ME1: variants seen among roughly 807,000 people sequenced by gnomAD.
ME1 encodes NADP-dependent malic enzyme.
A neutral mutation model predicts 66.4 loss-of-function variants in ME1; 74 were observed. The ratio of observed to expected loss-of-function variants is 1.11; its 90% CI spans 0.92 to 1.35. The LOEUF (loss-of-function observed/expected upper bound fraction) is 1.35. ME1 is among the 40% of genes most tolerant of loss of function. The probability of loss-of-function intolerance (pLI) is 0.00; values close to 1 mark genes in which losing one functional copy is unlikely to be tolerated. For missense variants in ME1, 750 were observed against 694.1 expected (o/e 1.08, Z -0.90); for synonymous variants, 251 against 235.6 (o/e 1.07, Z -0.60).
chr6:83,311,792 A>G (rs1767935598), intron 6 of ME1, among the ~76,000 whole-genome samples: 3 of 152,166 alleles, frequency 2.0e-5, no homozygotes, highest in African/African-American at 7.2e-5. Context: ...CAGAAGCCAG[A>G]TGGACACAAT....
At chr6:83,355,212 G>T (rs981824238) in intron 3 of ME1, among the ~76,000 whole-genome samples, 1 of 151,938 alleles carries the variant, frequency 6.6e-6, no homozygotes, top group Admixed American at 6.6e-5. Flanking sequence ...TTTAAAGAAG[G>T]CACTTTTGTT....
intron 1 of ME1, among the ~76,000 whole-genome samples, chr6:83,416,250 C>A (rs896034487): frequency 6.6e-6 from 1 of 152,078 alleles, no homozygotes; most frequent in Non-Finnish European, 1.5e-5. Context: ...TTGCATCCTA[C>A]GTAAATTATA....
intron 6 of ME1, among the ~76,000 whole-genome samples, chr6:83,314,117 G>A (rs1214299367): frequency 5.9e-5 from 9 of 152,104 alleles, no homozygotes; most frequent in Admixed American, 5.9e-4. Context: ...CAGTAACCAA[G>A]GGATGACTGT....
intron 3 of ME1, among the ~76,000 whole-genome samples, chr6:83,375,435 A>G (rs1490917866): frequency 6.6e-6 from 1 of 152,096 alleles, no homozygotes; most frequent in Admixed American, 6.5e-5. Context: ...ATTTTTGCAC[A>G]TTGATTTGGT....
intron 3 of ME1, among the ~76,000 whole-genome samples, chr6:83,370,733 A>G (rs563778954): frequency 2.0e-5 from 3 of 152,252 alleles, no homozygotes; most frequent in Admixed American, 1.3e-4. Context: ...TATACATCCT[A>G]TCCAGCATTT....
At chr6:83,345,443 C>T (rs139701803) in intron 5 of ME1, among the ~76,000 whole-genome samples, 1 of 152,250 alleles carries the variant, frequency 6.6e-6, no homozygotes, top group African/African-American at 2.4e-5. Flanking sequence ...ACATTACTTA[C>T]AGATCAAAAG....
chr6:83,358,413 A>G (rs1768942822), intron 3 of ME1, among the ~76,000 whole-genome samples: 2 of 152,286 alleles, frequency 1.3e-5, no homozygotes, highest in East Asian at 3.9e-4. Flanking sequence ...CAGAGATTGT[A>G]TCTCCTGGCT....
intron 13 of ME1, among the ~76,000 whole-genome samples, chr6:83,216,283 AAATT>A (rs1164546924): frequency 1.3e-5 from 2 of 152,200 alleles, no homozygotes; most frequent in Non-Finnish European, 2.9e-5. Context: ...ATAGAGAGGG[AAATT>A]AATTATTCGG....
At chr6:83,389,121 A>C (rs1769570887) in intron 3 of ME1, among the ~76,000 whole-genome samples, 1 of 152,110 alleles carries the variant, frequency 6.6e-6, no homozygotes, top group Admixed American at 6.6e-5. Context: ...TCTGTCTCAA[A>C]AGTAAAATAA....
At chr6:83,325,300 G>A (rs1768267149) in intron 5 of ME1, among the ~76,000 whole-genome samples, 2 of 152,100 alleles carry the variant, frequency 1.3e-5, no homozygotes, top group South Asian at 4.1e-4. Flanking sequence ...TTTCAAAACT[G>A]GCACAAGACA....
chr6:83,321,728 A>G (rs992327029), intron 5 of ME1, among the ~76,000 whole-genome samples: 2 of 152,220 alleles, frequency 1.3e-5, no homozygotes, highest in African/African-American at 2.4e-5. Flanking sequence ...GCACAGCTTC[A>G]GCAGACTTAA....
rs529928998 is a variant in ME1 at position 83,274,315 on chromosome 6, T to C, written c.705-20577A>G. ...TGCCTGAAGTTAAGCAGTGGATAGA[T>C]GGAAAAAGTGAAGTACAGGAGCTTA... On this transcript the variant is annotated intron_variant, in intron 6 of 13. Transcript: ENST00000369705. Among the ~76,000 whole-genome samples the C allele has an allele frequency of 2.6e-5, 4 of 152,232 alleles. No homozygotes were observed. In the East Asian group the frequency reaches 7.7e-4, roughly 29 times the overall value.
intron 3 of ME1, among the ~76,000 whole-genome samples, chr6:83,363,505 C>G (rs144329519): frequency 8.7e-4 from 132 of 152,292 alleles, no homozygotes; most frequent in African/African-American, 3.1e-3. Flanking sequence ...GAAACTACAA[C>G]AGCCCAATCC....
chr6:83,391,459 G>A (rs1163431923), intron 3 of ME1, among the ~76,000 whole-genome samples: 1 of 151,736 alleles, frequency 6.6e-6, no homozygotes, highest in Non-Finnish European at 1.5e-5. Context: ...TCTCTCACTG[G>A]GTTTATTTTA....
chr6:83,402,054 C>T (rs905866302), intron 2 of ME1, among the ~76,000 whole-genome samples: 1 of 152,240 alleles, frequency 6.6e-6, no homozygotes, highest in African/African-American at 2.4e-5. Context: ...GATCAAGGAA[C>T]TCACTTTAGA....
intron 5 of ME1, among the ~76,000 whole-genome samples, chr6:83,318,078 C>T (rs1186283836): frequency 6.6e-6 from 1 of 151,794 alleles, no homozygotes; most frequent in Non-Finnish European, 1.5e-5. Flanking sequence ...ATAAATGGTG[C>T]TGGGAAAACT....
intron 7 of ME1, among the ~76,000 whole-genome samples, chr6:83,250,705 C>T (rs1790708414): frequency 6.6e-6 from 1 of 152,238 alleles, no homozygotes; most frequent in African/African-American, 2.4e-5. Flanking sequence ...CAATTCAATC[C>T]TGTTCTCTAG....
At chr6:83,333,199 A>G (rs1208381493) in intron 5 of ME1, among the ~76,000 whole-genome samples, 1 of 152,232 alleles carries the variant, frequency 6.6e-6, no homozygotes, top group Non-Finnish European at 1.5e-5. Context: ...TATTCTGGAT[A>G]AGAAACTAAG....
At chr6:83,271,021 G>GT (rs1198639834) in intron 6 of ME1, among the ~76,000 whole-genome samples, 2 of 137,758 alleles carry the variant, frequency 1.5e-5, no homozygotes, top group African/African-American at 5.5e-5. Flanking sequence ...AGGTGAAGGA[G>GT]TAAAAAAAAA....
Sources: allele counts gnomAD v4.1 joint callset (sites outside exome capture counted in the v4.1 genomes callset), GRCh38; gene constraint gnomAD v4.1.1; transcripts MANE v1.5; gene names NCBI Gene and HGNC (gene_info 2026-07-23, HGNC 2026-07-21).